Variants in ZSWIM5 observed in about 807,000 individuals in gnomAD.
The protein encoded by ZSWIM5 is zinc finger SWIM-type containing 5, also known as zinc finger SWIM domain-containing protein 5.
ZSWIM5 carries 55 observed loss-of-function variants against 119.6 expected under a neutral mutation model. The observed-to-expected ratio is 0.46, with a 90% confidence interval of 0.37 to 0.58. The LOEUF is 0.58. ZSWIM5 is among the 20% of genes least tolerant of loss of function. ZSWIM5 has a pLI of 0.00. For synonymous variants in ZSWIM5, 537 were observed against 606.9 expected, an observed-to-expected ratio of 0.88 and a Z score of 1.69; for missense variants, 1,193 against 1,512.8, an observed-to-expected ratio of 0.79 and a Z score of 3.51.
At chr1:45,153,447 G>C (rs956475690) in intron 1 of ZSWIM5, among the ~76,000 whole-genome samples, 1 of 151,456 alleles carries the variant, frequency 6.6e-6, no homozygotes, top group Non-Finnish European at 1.5e-5. Flanking sequence ...CAGAGGTTGT[G>C]GTGAGCCAAA....
intron 1 of ZSWIM5, among the ~76,000 whole-genome samples, chr1:45,184,419 A>C (rs1464615082): frequency 2.6e-5 from 4 of 152,194 alleles, no homozygotes; most frequent in Non-Finnish European, 5.9e-5. Context: ...CAGGAGAAGG[A>C]AATAAAGGGT....
chr1:45,093,676 T>C (rs1373942386), intron 1 of ZSWIM5, among the ~76,000 whole-genome samples: 1 of 152,200 alleles, frequency 6.6e-6, no homozygotes, highest in Admixed American at 6.5e-5. Context: ...CAAATATCTA[T>C]ACCCCTTGCC....
chr1:45,113,121 T>C (rs1056807780), intron 1 of ZSWIM5, among the ~76,000 whole-genome samples: 2 of 152,166 alleles, frequency 1.3e-5, no homozygotes, highest in African/African-American at 4.8e-5. Flanking sequence ...CTGCTTAGAG[T>C]AATGACGGGC....
At chr1:45,129,750 T>G (rs1645643678) in intron 1 of ZSWIM5, among the ~76,000 whole-genome samples, 1 of 152,196 alleles carries the variant, frequency 6.6e-6, no homozygotes, top group African/African-American at 2.4e-5. Context: ...AACTTTGACT[T>G]AAACTTCACA....
At chr1:45,200,674 A>G (rs1646153225) in intron 1 of ZSWIM5, among the ~76,000 whole-genome samples, 1 of 152,222 alleles carries the variant, frequency 6.6e-6, no homozygotes, top group Admixed American at 6.5e-5. Flanking sequence ...TAACCTTTAA[A>G]TAACCACTTA....
intron 1 of ZSWIM5, among the ~76,000 whole-genome samples, chr1:45,154,834 A>G (rs1171179717): frequency 6.6e-6 from 1 of 152,122 alleles, no homozygotes; most frequent in Non-Finnish European, 1.5e-5. Flanking sequence ...GTGAATGGAG[A>G]TTGTGCCATT....
intron 1 of ZSWIM5, among the ~76,000 whole-genome samples, chr1:45,102,054 T>C (rs950054259): frequency 1.4e-5 from 2 of 146,558 alleles, no homozygotes; most frequent in African/African-American, 5.1e-5. Flanking sequence ...AAAAAAAAAC[T>C]GTGAACTATG....
At chr1:45,160,648 T>C (rs1645857712) in intron 1 of ZSWIM5, among the ~76,000 whole-genome samples, 1 of 145,872 alleles carries the variant, frequency 6.9e-6, no homozygotes. Context: ...ATTGTGTATA[T>C]ATGTACCACT....
chr1:45,079,237 T>C (rs1215928600), intron 2 of ZSWIM5, among the ~76,000 whole-genome samples: 1 of 148,868 alleles, frequency 6.7e-6, no homozygotes, highest in Non-Finnish European at 1.5e-5. Context: ...GCCCCACCCC[T>C]ATCTCCCTTC....
chr1:45,202,311 A>AT (rs1439323219), intron 1 of ZSWIM5, among the ~76,000 whole-genome samples: 1 of 152,124 alleles, frequency 6.6e-6, no homozygotes, highest in Non-Finnish European at 1.5e-5. Flanking sequence ...GATAAATTTC[A>AT]TAAAAGTTAT....
intron 1 of ZSWIM5, among the ~76,000 whole-genome samples, chr1:45,145,530 C>T (rs141962279): frequency 2.0e-4 from 31 of 152,038 alleles, no homozygotes; most frequent in Middle Eastern, 3.4e-3. Flanking sequence ...AGGAATATAT[C>T]AAAGCCATTA....
Position 45,068,792 on chromosome 1 carries a change from CTTTTTTTTTTT to C in ZSWIM5, c.953-8556_953-8546del, listed in dbSNP as rs758235271. On this transcript the variant is annotated intron_variant, in intron 2 of 13. Transcript: ENST00000359600. The stretch of plus-strand genomic sequence containing the variant: ...TCACTGTTTTGTTGCTGTTGTATGT[CTTTTTTTTTTT>C]TTTTTTTTTTTTTTTTTCTGAGACA... Among the ~76,000 whole-genome samples, 38 of 46,760 alleles carry C rather than the reference CTTTTTTTTTTT, an allele frequency of 8.1e-4. 1 individual carries two copies. Among genetic ancestry groups the C allele is most frequent in the African/African-American group, 2.8e-3 (33 of 11,704 alleles). The allele number at this position is 46,760 out of a possible 152,430, so 30.7% of individuals were successfully genotyped here.
chr1:45,040,589 A>C, intron 6 of ZSWIM5, 51 bp from the exon 7 acceptor site: 1 of 1,512,820 alleles, frequency 6.6e-7, no homozygotes, highest in Non-Finnish European at 8.9e-7. Context: ...TCAAGTCAGG[A>C]AAATTTATAC....
At chr1:45,152,944 A>G (rs571474013) in intron 1 of ZSWIM5, among the ~76,000 whole-genome samples, 1 of 152,096 alleles carries the variant, frequency 6.6e-6, no homozygotes, top group East Asian at 1.9e-4. Flanking sequence ...AATGGGCAAA[A>G]ATGCAAACAG....
intron 1 of ZSWIM5, among the ~76,000 whole-genome samples, chr1:45,203,354 C>T (rs1646169001): frequency 6.6e-6 from 1 of 151,790 alleles, no homozygotes; most frequent in Non-Finnish European, 1.5e-5. Flanking sequence ...TTTGTTTGTG[C>T]TTTCTTTTTT....
intron 1 of ZSWIM5, among the ~76,000 whole-genome samples, chr1:45,131,178 A>C (rs893981404): frequency 2.0e-5 from 3 of 152,186 alleles, no homozygotes; most frequent in Admixed American, 2.0e-4. Context: ...AATCTTAAAT[A>C]TATCAATGTC....
intron 1 of ZSWIM5, among the ~76,000 whole-genome samples, chr1:45,096,550 A>ATG (rs1645404286): frequency 6.9e-6 from 1 of 144,902 alleles, no homozygotes; most frequent in African/African-American, 2.8e-5. Flanking sequence ...ACACACACAC[A>ATG]CACGCACACA....
intron 1 of ZSWIM5, among the ~76,000 whole-genome samples, chr1:45,181,366 A>G (rs1291300395): frequency 6.6e-6 from 1 of 152,072 alleles, no homozygotes; most frequent in East Asian, 1.9e-4. Flanking sequence ...AAATGAAGCG[A>G]GAAGGGAAGT....
chr1:45,108,156 C>T (rs944112696), intron 1 of ZSWIM5, among the ~76,000 whole-genome samples: 1 of 152,154 alleles, frequency 6.6e-6, no homozygotes, highest in African/African-American at 2.4e-5. Flanking sequence ...AATAAATCAC[C>T]CTCCTCAAGC....
Sources: gnomAD v4.1 joint callset for allele counts (sites outside exome capture counted in the v4.1 genomes callset) on GRCh38, gnomAD v4.1.1 for gene constraint, MANE v1.5 for transcripts, NCBI Gene and HGNC (gene_info 2026-07-23, HGNC 2026-07-21) for gene names.